Variants in SNRPN observed in about 807,000 individuals in gnomAD.
SNRPN encodes small nuclear ribonucleoprotein-associated protein N.
In SNRPN, 7 loss-of-function variants were observed where a neutral mutation model predicts 25.2. That is an observed-to-expected ratio of 0.28 (90% CI 0.16 to 0.52). The LOEUF (loss-of-function observed/expected upper bound fraction) is 0.52, where lower values mean the gene tolerates loss of function less well. Ranked by LOEUF, SNRPN falls within the 20% of genes least tolerant of loss-of-function variation. The pLI is 0.96. For synonymous variants in SNRPN, 124 were observed against 110.6 expected, an observed-to-expected ratio of 1.12 and a Z score of -0.76; for missense variants, 196 against 322.5, an observed-to-expected ratio of 0.61 and a Z score of 3.00.
intron 3 of SNRPN, among the ~76,000 whole-genome samples, chr15:24,968,604 A>G (rs1281083677): frequency 2.0e-5 from 3 of 152,334 alleles, no homozygotes; most frequent in African/African-American, 7.2e-5. Flanking sequence ...GGCCAGTTAC[A>G]ACATACTTTC....
At chr15:24,844,249 A>G (rs562151834) in intron 2 of SNRPN, among the ~76,000 whole-genome samples, 4 of 152,192 alleles carry the variant, frequency 2.6e-5, no homozygotes, top group East Asian at 3.9e-4. Flanking sequence ...TGTGGTTTCA[A>G]TAATTTACAT....
intron 2 of SNRPN, among the ~76,000 whole-genome samples, chr15:24,846,690 C>G (rs1385534000): frequency 6.6e-6 from 1 of 152,192 alleles, no homozygotes; most frequent in Non-Finnish European, 1.5e-5. Flanking sequence ...TACAAGTCAA[C>G]ATTTTTGAGA....
At chr15:24,971,538 G>A (rs12148639) in intron 3 of SNRPN, among the ~76,000 whole-genome samples, 4,681 of 150,972 alleles carry the variant, frequency 0.031, 76 homozygotes, top group Middle Eastern at 0.06. Context: ...ATTATATTAT[G>A]ATATATATAT....
chr15:24,883,002 C>G (rs187673637), intron 1 of SNRPN, among the ~76,000 whole-genome samples: 53 of 152,054 alleles, frequency 3.5e-4, no homozygotes, highest in African/African-American at 1.2e-3. Context: ...TGTTGAATAT[C>G]TCATGTAATT....
chr15:24,975,587 C>T (rs2076964703), intron 5 of SNRPN, 78 bp downstream of exon 5: 2 of 1,214,276 alleles, frequency 1.6e-6, no homozygotes, highest in Admixed American at 3.6e-5. Context: ...TAAGGGATTT[C>T]CGAGGGTAAC....
At chr15:24,850,287 G>A (rs897221945) in intron 2 of SNRPN, 7 of 152,088 alleles carry the variant, frequency 4.6e-5, no homozygotes, top group Non-Finnish European at 8.8e-5. Flanking sequence ...AACTAATAAC[G>A]ATACAGAATT....
At chr15:24,880,838 C>T (rs1034186231) in intron 1 of SNRPN, among the ~76,000 whole-genome samples, 3 of 152,042 alleles carry the variant, frequency 2.0e-5, no homozygotes, top group South Asian at 2.1e-4. Flanking sequence ...CTGTCATCAG[C>T]GTTCAAGCAA....
At chr15:24,910,831 T>C in intron 2 of SNRPN, 1 of 549,394 alleles carries the variant, frequency 1.8e-6, no homozygotes, top group Non-Finnish European at 3.2e-6. Context: ...AAAATGTGTT[T>C]ATTGAGATGG....
At chr15:24,839,115 C>T (rs2051460420) in intron 2 of SNRPN, among the ~76,000 whole-genome samples, 2 of 152,192 alleles carry the variant, frequency 1.3e-5, no homozygotes, top group Middle Eastern at 6.8e-3. Context: ...TGCCCCATTT[C>T]CCATGCATTG....
intron 2 of SNRPN, chr15:24,848,468 T>G (rs1164167295): frequency 6.6e-6 from 1 of 152,200 alleles, no homozygotes; most frequent in Admixed American, 6.5e-5. Context: ...CGTATCATTG[T>G]CTTGTTTCTT....
At chr15:24,955,287 G>A (rs1001668774) in intron 1 of SNRPN, among the ~76,000 whole-genome samples, 1 of 151,920 alleles carries the variant, frequency 6.6e-6, no homozygotes, top group Non-Finnish European at 1.5e-5. Flanking sequence ...TCCCCCATCC[G>A]CCCCCAACTG....
intron 1 of SNRPN, among the ~76,000 whole-genome samples, chr15:24,879,983 G>A (rs537779524): frequency 1.3e-5 from 2 of 152,228 alleles, no homozygotes; most frequent in South Asian, 2.1e-4. Flanking sequence ...AACTCCAAGA[G>A]GTCCATTTCC....
intron 1 of SNRPN, among the ~76,000 whole-genome samples, chr15:24,879,066 C>T (rs963611730): frequency 2.6e-5 from 4 of 151,796 alleles, no homozygotes; most frequent in Admixed American, 1.3e-4. Flanking sequence ...TATAGTCCTC[C>T]GGAATGCAAA....
chr15:24,878,080 G>A (rs1027977838), intron 1 of SNRPN, among the ~76,000 whole-genome samples: 6 of 152,164 alleles, frequency 3.9e-5, no homozygotes, highest in Non-Finnish European at 8.8e-5. Context: ...TTAAATCCTT[G>A]AGTAAATGAG....
chr15:24,848,267 C>CGGGGGCGGGGGCG (rs1555379869), intron 2 of SNRPN: 6 of 41,864 alleles, frequency 1.4e-4, no homozygotes, highest in African/African-American at 4.9e-4. Context: ...GGGGCGGGGG[C>CGGGGGCGGGGGCG]GGGGGCAGAT....
intron 1 of SNRPN, among the ~76,000 whole-genome samples, chr15:24,961,461 A>G (rs1383504333): frequency 6.6e-6 from 1 of 152,126 alleles, no homozygotes; most frequent in Non-Finnish European, 1.5e-5. Context: ...TGCAGTCCCT[A>G]ATATGGCTAG....
rs1317277030 is a variant in SNRPN, at chr15:24,909,324, C to T, written c.-504-10687C>T. ...TGAGGGATAGACAAGCCTCCATCCACAGCTCCCTTCAGGGCACCAAAAACT... is the reference window on the plus strand; with the variant it reads ...TGAGGGATAGACAAGCCTCCATCCATAGCTCCCTTCAGGGCACCAAAAACT... On this transcript the variant is annotated intron_variant, in intron 2 of 11. Coordinates refer to the SNRPN transcript ENST00000400097. 3.7e-5 allele frequency: 59 copies of T among 1,603,490 alleles called. No homozygotes were observed. The East Asian group carries it at 1.0e-3, about 28-fold the overall frequency.
intron 2 of SNRPN, among the ~76,000 whole-genome samples, chr15:24,914,701 C>G (rs1327085073): frequency 6.6e-6 from 1 of 152,024 alleles, no homozygotes; most frequent in Admixed American, 6.6e-5. Flanking sequence ...AAAGGTGCAC[C>G]CTGAGGTCCT....
rs752671654 is a variant in SNRPN at position 24,882,329 on chromosome 15, GA to G, written c.-578-4179del. Among the ~76,000 whole-genome samples the G allele has an allele frequency of 5.9e-5, 9 of 151,714 alleles. No individual in the cohort carries two copies. The East Asian group carries it at 1.5e-3, about 26-fold the overall frequency. ...TACATAAAATTTGGCTAAAAGGGAA[GA>G]AAAAAAACTACCTAAAGTTTATGTG... On this transcript the variant is annotated intron_variant, in intron 1 of 11. Coordinates refer to the SNRPN transcript ENST00000400097.
Sources: allele counts gnomAD v4.1 joint callset (sites outside exome capture counted in the v4.1 genomes callset), GRCh38; gene constraint gnomAD v4.1.1; transcripts MANE v1.5; gene names NCBI Gene and HGNC (gene_info 2026-07-23, HGNC 2026-07-21).